The following LRGUK variants were observed in gnomAD, a reference collection of about 807,000 sequenced individuals.
The protein encoded by LRGUK is leucine-rich repeat and guanylate kinase domain-containing protein.
A neutral mutation model predicts 76.0 loss-of-function variants in LRGUK; 65 were observed. The observed-to-expected ratio is 0.85, with a 90% CI of 0.70 to 1.05. The LOEUF (loss-of-function observed/expected upper bound fraction) is 1.05. LRGUK is among the 50% of genes least tolerant of loss of function. The pLI is 0.00. For synonymous variants in LRGUK, 268 were observed against 265.6 expected, an observed-to-expected ratio of 1.01 and a Z score of -0.09; for missense variants, 758 against 732.8, an observed-to-expected ratio of 1.03 and a Z score of -0.40.
At chr7:134,161,873 T>C (rs894711180) in intron 6 of LRGUK, among the ~76,000 whole-genome samples, 1 of 150,994 alleles carries the variant, frequency 6.6e-6, no homozygotes, top group African/African-American at 2.4e-5. Flanking sequence ...TGTATTTTTT[T>C]AGTAGAGACG....
chr7:134,232,523 C>T (rs1801926573), intron 16 of LRGUK, among the ~76,000 whole-genome samples: 1 of 152,096 alleles, frequency 6.6e-6, no homozygotes, highest in South Asian at 2.1e-4. Flanking sequence ...CGTGATCTGC[C>T]CACCTTGGCC....
chr7:134,167,087 C>A (rs2116948757), intron 7 of LRGUK, among the ~76,000 whole-genome samples: 1 of 152,302 alleles, frequency 6.6e-6, no homozygotes, highest in Non-Finnish European at 1.5e-5. Context: ...ATCAGATCTC[C>A]TGCTAAAGTC....
chr7:134,268,963 C>A (rs377355033), downstream of LRGUK, among the ~76,000 whole-genome samples: 26 of 152,020 alleles, frequency 1.7e-4, no homozygotes, highest in East Asian at 4.1e-3. Flanking sequence ...CATCTCTTGA[C>A]TTTGTGATCC....
rs1042100950 is a variant in LRGUK, at chr7:134,148,226, T to G, written c.589-12T>G. ...ATATTAATATAACATCTTGTTCTCT[T>G]TCTCTTGCCAGAAGGCGGATTTTTC... On this transcript the variant is annotated splice_polypyrimidine_tract_variant and intron_variant, in intron 4 of 15. Coordinates refer to ENST00000645682, the Ensembl canonical transcript of LRGUK. The G allele has an allele frequency of 3.8e-6, 6 of 1,563,500 alleles. No individual in the cohort carries two copies. The highest frequency in any genetic ancestry group is 5.3e-6 in the Non-Finnish European group (6 of 1,139,722).
chr7:134,145,750 C>T (rs1298806607), intron 4 of LRGUK, among the ~76,000 whole-genome samples: 3 of 152,210 alleles, frequency 2.0e-5, no homozygotes, highest in Non-Finnish European at 4.4e-5. Flanking sequence ...GCTCCGCCAT[C>T]TTGAGAAGCT....
At chr7:134,135,019 G>A (rs1797466422) in intron 1 of LRGUK, among the ~76,000 whole-genome samples, 1 of 152,078 alleles carries the variant, frequency 6.6e-6, no homozygotes, top group South Asian at 2.1e-4. Context: ...AAAATAAACA[G>A]ACAACAGGTG....
chr7:134,143,128 C>T (rs759866550), exon 4 of LRGUK: 11 of 1,609,384 alleles, frequency 6.8e-6, no homozygotes, highest in South Asian at 1.1e-5. Flanking sequence ...AATTTGACTA[C>T]GTTCTTCAAT....
At chr7:134,201,603 G>A in intron 15 of LRGUK, 27 bp downstream of exon 15, 1 of 1,552,020 alleles carries the variant, frequency 6.4e-7, no homozygotes. Flanking sequence ...TTTGTGCCAG[G>A]ATTTTTTTTT....
intron 5 of LRGUK, among the ~76,000 whole-genome samples, chr7:134,153,929 G>C (rs553580465): frequency 6.6e-6 from 1 of 152,246 alleles, no homozygotes; most frequent in East Asian, 1.9e-4. Context: ...TTTTATGATT[G>C]TAGACAAACG....
chr7:134,180,306 A>G lies in LRGUK; in HGVS notation c.1214+1697A>G, dbSNP rs572974461. On this transcript the variant is annotated intron_variant, in intron 10 of 15. Coordinates refer to ENST00000645682, the Ensembl canonical transcript of LRGUK. ...AATTCCTCTGTCCATCCATCCATCC[A>G]TCCATCCATCCATCCATCCATCCAT... is the stretch of plus-strand genomic sequence containing the variant. Among the ~76,000 whole-genome samples the G allele has an allele frequency of 1.5e-3, 229 of 148,676 alleles. 1 individual carries two copies. Among genetic ancestry groups the G allele is most frequent in the African/African-American group, 4.9e-3 (188 of 38,410 alleles).
intron 12 of LRGUK, among the ~76,000 whole-genome samples, chr7:134,193,689 G>C (rs1340886186): frequency 2.0e-5 from 3 of 152,098 alleles, no homozygotes; most frequent in Non-Finnish European, 2.9e-5. Flanking sequence ...GAGACTGTTT[G>C]ATGAAGAGAG....
intron 18 of LRGUK, among the ~76,000 whole-genome samples, chr7:134,254,939 G>A (rs1802539553): frequency 6.6e-6 from 1 of 152,164 alleles, no homozygotes; most frequent in Non-Finnish European, 1.5e-5. Flanking sequence ...GAGCCAAACT[G>A]TAAGAGTGGC....
intron 2 of LRGUK, among the ~76,000 whole-genome samples, chr7:134,137,578 T>C (rs892864661): frequency 5.5e-5 from 8 of 146,378 alleles, no homozygotes; most frequent in African/African-American, 2.0e-4. Flanking sequence ...GAGCTATACC[T>C]TACTTTCCAA....
chr7:134,199,842 T>A (rs1657350968), intron 14 of LRGUK, among the ~76,000 whole-genome samples: 1 of 150,954 alleles, frequency 6.6e-6, no homozygotes, highest in Non-Finnish European at 1.5e-5. Context: ...AAATAAACAT[T>A]TTCAGAAACT....
chr7:134,128,266 C>G (rs2116775837), intron 1 of LRGUK, among the ~76,000 whole-genome samples: 1 of 152,344 alleles, frequency 6.6e-6, no homozygotes, highest in East Asian at 1.9e-4. Flanking sequence ...ACAGCCAGCT[C>G]ATTGTGGGAA....
At position 134,145,316 on chromosome 7, in the gene LRGUK, C is replaced by G. The variant is rs60830491; in HGVS notation, c.588+2154C>G. Among the ~76,000 whole-genome samples the G allele has an allele frequency of 7.8e-3, 1,193 of 152,034 alleles. 24 individuals are homozygous for G. The highest frequency in any genetic ancestry group is 0.028 in the African/African-American group (1,159 of 41,446). ...AGGCTGGAGTGCAATAGCAAGATCTCGGCTCACCGCAACCTCTGCCTCCCA... is the reference window on the plus strand; with the variant it reads ...AGGCTGGAGTGCAATAGCAAGATCTGGGCTCACCGCAACCTCTGCCTCCCA... On this transcript the variant is annotated intron_variant, in intron 4 of 15. Transcript: ENST00000645682.
Position 134,163,380 on chromosome 7 carries a change from A to G in LRGUK, c.796-17A>G. The G allele has an allele frequency of 6.3e-7, 1 of 1,594,236 alleles. No homozygotes were observed. Reference sequence around the variant, plus strand: ...GAGAGGTCTTTGAGACATTAAATATATTTTTTTCTGTTTTAGAGCAATAAC... The same window carrying G: ...GAGAGGTCTTTGAGACATTAAATATGTTTTTTTCTGTTTTAGAGCAATAAC... On this transcript the variant is annotated splice_polypyrimidine_tract_variant and intron_variant, in intron 6 of 15. Transcript: ENST00000645682.
chr7:134,246,866 G>A (rs2117204255), intron 16 of LRGUK, among the ~76,000 whole-genome samples: 1 of 152,196 alleles, frequency 6.6e-6, no homozygotes, highest in East Asian at 1.9e-4. Context: ...TTGCTTTAAG[G>A]GAGGAAATCC....
intron 8 of LRGUK, among the ~76,000 whole-genome samples, chr7:134,174,977 A>G (rs1335862309): frequency 1.3e-5 from 2 of 152,204 alleles, no homozygotes; most frequent in African/African-American, 4.8e-5. Flanking sequence ...TTGCAGAACA[A>G]TGTTCTCTGA....
Sources: allele counts gnomAD v4.1 joint callset (sites outside exome capture counted in the v4.1 genomes callset), GRCh38; gene constraint gnomAD v4.1.1; transcripts MANE v1.5; gene names NCBI Gene and HGNC (gene_info 2026-07-23, HGNC 2026-07-21).